The following DGKI variants were observed in gnomAD, a reference collection of about 807,000 sequenced individuals.
DGKI encodes the protein DAG kinase iota.
Under a neutral mutation model 147.5 loss-of-function variants are expected in DGKI, and 55 were observed. The ratio of observed to expected loss-of-function variants is 0.37; its 90% confidence interval spans 0.30 to 0.47. DGKI has a LOEUF of 0.47. Among genes scored for constraint, DGKI ranks in the 20% least tolerant of loss-of-function variants. The pLI is 1.00. For synonymous variants in DGKI, 469 were observed against 477.1 expected, an observed-to-expected ratio of 0.98 and a Z score of 0.22; for missense variants, 1,007 against 1,323.8, an observed-to-expected ratio of 0.76 and a Z score of 3.71.
intron 28 of DGKI, among the ~76,000 whole-genome samples, chr7:137,412,414 C>T (rs1240353817): frequency 3.9e-5 from 6 of 152,144 alleles, no homozygotes; most frequent in Non-Finnish European, 7.4e-5. Flanking sequence ...AGGGCCCATG[C>T]GTGCCCCCTC....
At chr7:137,843,490 G>T in intron 1 of DGKI, 1 of 937,486 alleles carries the variant, frequency 1.1e-6, no homozygotes, top group Non-Finnish European at 1.3e-6. Context: ...ATTCTCATGG[G>T]AAAAATGGTT....
chr7:137,595,246 C>T (rs1258108522), intron 12 of DGKI, among the ~76,000 whole-genome samples: 1 of 152,188 alleles, frequency 6.6e-6, no homozygotes, highest in African/African-American at 2.4e-5. Context: ...TGTCAGGAGG[C>T]TGACAATGGC....
chr7:137,753,869 C>T (rs1795592893), intron 1 of DGKI, among the ~76,000 whole-genome samples: 1 of 152,018 alleles, frequency 6.6e-6, no homozygotes, highest in Non-Finnish European at 1.5e-5. Flanking sequence ...AGAGCAGCCC[C>T]AAATTAATGG....
chr7:137,488,280 A>C (rs527749405), intron 21 of DGKI, among the ~76,000 whole-genome samples: 1 of 152,270 alleles, frequency 6.6e-6, no homozygotes. Flanking sequence ...AGAAAAGAAC[A>C]AAAAACAGCT....
chr7:137,535,637 C>G (rs1350444624), intron 20 of DGKI, among the ~76,000 whole-genome samples: 1 of 152,032 alleles, frequency 6.6e-6, no homozygotes, highest in African/African-American at 2.4e-5. Context: ...TTTGAAGTAA[C>G]CTTTTACTGT....
intron 1 of DGKI, among the ~76,000 whole-genome samples, chr7:137,709,594 G>T (rs1794155466): frequency 6.6e-6 from 1 of 152,054 alleles, no homozygotes. Context: ...TTAGTATAAA[G>T]TACTTATGGC....
chr7:137,681,168 A>G (rs556286818), intron 2 of DGKI, among the ~76,000 whole-genome samples: 3 of 152,368 alleles, frequency 2.0e-5, no homozygotes, highest in African/African-American at 7.2e-5. Flanking sequence ...AGGGAGAGCA[A>G]CACTGACCAG....
intron 10 of DGKI, among the ~76,000 whole-genome samples, chr7:137,602,213 C>T (rs1341551953): frequency 1.3e-5 from 2 of 152,174 alleles, no homozygotes; most frequent in African/African-American, 2.4e-5. Context: ...ATGTTAATTA[C>T]TCCTTTCCAC....
chr7:137,645,711 C>G (rs1025127629), intron 5 of DGKI, among the ~76,000 whole-genome samples, 174 bp from the exon 6 acceptor site: 1 of 152,170 alleles, frequency 6.6e-6, no homozygotes, highest in Non-Finnish European at 1.5e-5. Context: ...GAACTACAGG[C>G]ATGAGCTACT....
chr7:137,716,673 G>A (rs1318112587), intron 1 of DGKI, among the ~76,000 whole-genome samples: 1 of 152,178 alleles, frequency 6.6e-6, no homozygotes, highest in Non-Finnish European at 1.5e-5. Flanking sequence ...GACCAAGAAA[G>A]GTTCTCTCCT....
At chr7:137,699,043 T>C (rs1226322014) in intron 1 of DGKI, among the ~76,000 whole-genome samples, 4 of 152,214 alleles carry the variant, frequency 2.6e-5, no homozygotes, top group Non-Finnish European at 4.4e-5. Flanking sequence ...AGACATTTAT[T>C]TCTCACAGTT....
chr7:137,520,471 G>C (rs1472197011), intron 21 of DGKI, among the ~76,000 whole-genome samples: 1 of 152,074 alleles, frequency 6.6e-6, no homozygotes, highest in East Asian at 1.9e-4. Context: ...AGTTCACTTA[G>C]ATTAGAAAAT....
At chr7:137,615,531 A>ATGTGTGTGTGTGTGTGTG (rs5887846) in intron 8 of DGKI, among the ~76,000 whole-genome samples, 1 of 135,760 alleles carries the variant, frequency 7.4e-6, no homozygotes, top group Non-Finnish European at 1.7e-5. Context: ...ATATGTATGT[A>ATGTGTGTGTGTGTGTGTG]TGTGTGTGTG....
intron 11 of DGKI, among the ~76,000 whole-genome samples, chr7:137,598,395 C>G (rs976316099): frequency 6.6e-6 from 1 of 152,134 alleles, no homozygotes; most frequent in Non-Finnish European, 1.5e-5. Flanking sequence ...AAATCTTTTT[C>G]AGCGAGACGG....
chr7:137,693,881 C>T (rs1456410312), intron 1 of DGKI, among the ~76,000 whole-genome samples: 3 of 152,100 alleles, frequency 2.0e-5, no homozygotes, highest in Non-Finnish European at 2.9e-5. Flanking sequence ...TGTTAAGAAG[C>T]CTAAGAAACA....
chr7:137,471,285 C>T (rs1038907646), intron 23 of DGKI, among the ~76,000 whole-genome samples: 2 of 152,122 alleles, frequency 1.3e-5, no homozygotes, highest in Admixed American at 1.3e-4. Flanking sequence ...GGGAGCAGCA[C>T]TGGGGTGCGG....
At chr7:137,462,077 A>T (rs1459378955) in intron 27 of DGKI, among the ~76,000 whole-genome samples, 1 of 150,872 alleles carries the variant, frequency 6.6e-6, no homozygotes, top group Non-Finnish European at 1.5e-5. Context: ...TTGAGCTCAT[A>T]TTCTGCTTTG....
At chr7:137,499,849 C>T (rs1424482734) in intron 21 of DGKI, among the ~76,000 whole-genome samples, 1 of 152,124 alleles carries the variant, frequency 6.6e-6, no homozygotes, top group Non-Finnish European at 1.5e-5. Context: ...TACATATCTA[C>T]ATATCCAGTT....
intron 1 of DGKI, among the ~76,000 whole-genome samples, chr7:137,751,886 C>T (rs1244811384): frequency 6.6e-6 from 1 of 152,052 alleles, no homozygotes; most frequent in Non-Finnish European, 1.5e-5. Context: ...AAAAAGCAAG[C>T]ATAAGATGAT....
Sources: allele counts gnomAD v4.1 joint callset (sites outside exome capture counted in the v4.1 genomes callset), GRCh38; gene constraint gnomAD v4.1.1; transcripts MANE v1.5; gene names NCBI Gene and HGNC (gene_info 2026-07-23, HGNC 2026-07-21).